Variants in ANKRD26 observed in about 807,000 individuals in gnomAD.
ANKRD26 encodes ankyrin repeat domain-containing protein 26.
Under a neutral mutation model 208.7 loss-of-function variants are expected in ANKRD26, and 141 were observed. The observed-to-expected ratio is 0.68, with a 90% CI of 0.59 to 0.78. The LOEUF (loss-of-function observed/expected upper bound fraction) is 0.78, where lower values mean the gene tolerates loss of function less well. ANKRD26 is among the 30% of genes least tolerant of loss of function. The pLI, the probability that ANKRD26 is intolerant of heterozygous loss-of-function variation, is 0.00. For synonymous variants in ANKRD26, 636 were observed against 660.4 expected, an observed-to-expected ratio of 0.96 and a Z score of 0.57; for missense variants, 1,889 against 1,938.7, an observed-to-expected ratio of 0.97 and a Z score of 0.48.
Position 27,043,553 on chromosome 10 carries a change from T to G in ANKRD26, c.2034A>C (p.Ile678=). ...AGTCATCAACATCATCCATAGACTG[T>G]ATTTGGTTTTTGACCTATGAAATAA... ...SNEKNKVKNQ[I]QSMDDVDDLT... The change falls in exon 20 of 34, where the codon ATA becomes ATC. Residue 678 remains isoleucine (I), a synonymous_variant. Transcript: ENST00000376087. 6.2e-7 allele frequency: 1 copy of G among 1,613,822 alleles called. No individual in the cohort carries two copies. Among genetic ancestry groups the G allele is most frequent in the Non-Finnish European group, 8.5e-7 (1 of 1,179,780 alleles).
At chr10:27,026,355 T>A (rs2053656772) in intron 27 of ANKRD26, among the ~76,000 whole-genome samples, 1 of 152,240 alleles carries the variant, frequency 6.6e-6, no homozygotes, top group Admixed American at 6.5e-5. Context: ...GAGATGTTGA[T>A]ATATTCCTGG....
intron 27 of ANKRD26, 51 bp from the exon 28 acceptor site, chr10:27,024,610 T>A (rs1389563428): frequency 9.2e-7 from 1 of 1,087,312 alleles, no homozygotes; most frequent in Non-Finnish European, 1.4e-6. Context: ...AAACACTTTT[T>A]TTCTTAAAAC....
chr10:26,964,393 C>T, the ANKRD26 span, among the ~76,000 whole-genome samples: 1 of 152,142 alleles, frequency 6.6e-6, no homozygotes, highest in Admixed American at 6.5e-5. Flanking sequence ...CCATAGCCAC[C>T]TACCCTTTTA....
At chr10:27,084,945 T>G (rs1188708902) in intron 5 of ANKRD26, among the ~76,000 whole-genome samples, 1 of 151,998 alleles carries the variant, frequency 6.6e-6, no homozygotes, top group Non-Finnish European at 1.5e-5. Flanking sequence ...CATTGGACAT[T>G]TTTGTACTTT....
At chr10:27,024,383 A>G in intron 28 of ANKRD26, 64 bp downstream of exon 28, 1 of 885,542 alleles carries the variant, frequency 1.1e-6, no homozygotes, top group Non-Finnish European at 1.8e-6. Flanking sequence ...AGTTTTGAAC[A>G]AAGTAAAATT....
In ANKRD26 at chr10:27,029,374, A is replaced by G; in HGVS notation, c.3808-18T>C. On this transcript the variant is annotated intron_variant, in intron 25 of 33. Transcript: ENST00000376087. ...TCTTGCAACTAAAACAAAGAATAAAAAAAACCCACTTTACTAATAATCTAG... is the reference window on the plus strand; with the variant it reads ...TCTTGCAACTAAAACAAAGAATAAAGAAAACCCACTTTACTAATAATCTAG... 2 of 1,606,326 alleles carry G rather than the reference A, an allele frequency of 1.2e-6. No homozygotes were observed. The highest frequency in any genetic ancestry group is 2.2e-5 in the East Asian group (1 of 44,808).
intron 25 of ANKRD26, 145 bp from the exon 26 acceptor site, chr10:27,029,501 T>C: frequency 1.3e-6 from 1 of 793,364 alleles, no homozygotes; most frequent in Non-Finnish European, 2.1e-6. Context: ...GTGCTGTGAC[T>C]GTAGAGCTGA....
At position 27,034,717 on chromosome 10, in the gene ANKRD26, T is replaced by C. The variant is rs77751281; in HGVS notation, c.3654+79A>G. 0.016 allele frequency: 13,950 copies of C among 887,450 alleles called. 1,092 individuals carry two copies. In the African/African-American group the frequency reaches 0.19, roughly 12 times the overall value. 55.0% of individuals were successfully genotyped at this position (887,450 alleles called of 1,614,324 possible). Reference sequence around the variant, plus strand: ...AAATAAGCTTATCTATTTATTTTTATAGTTAACTACATAACTATATATTAT... The same window carrying C: ...AAATAAGCTTATCTATTTATTTTTACAGTTAACTACATAACTATATATTAT... On this transcript the variant is annotated intron_variant, in intron 24 of 33. Coordinates refer to ENST00000376087, the MANE Select transcript of ANKRD26 (RefSeq NM_014915.3).
chr10:27,077,759 T>A, intron 7 of ANKRD26, 66 bp from the exon 8 acceptor site: 1 of 1,339,780 alleles, frequency 7.5e-7, no homozygotes, highest in Non-Finnish European at 1.0e-6. Context: ...AAAATAATCG[T>A]AATAGATAGT....
At chr10:26,983,865 C>T (rs74908167) in intron 3 of ANKRD26, among the ~76,000 whole-genome samples, 14,731 of 152,086 alleles carry the variant, frequency 0.097, 2,320 homozygotes, top group African/African-American at 0.33. Context: ...CAGACCATTT[C>T]TGTGATGTAA....
At chr10:27,083,131 C>T (rs754491680) in intron 5 of ANKRD26, among the ~76,000 whole-genome samples, 4 of 152,142 alleles carry the variant, frequency 2.6e-5, no homozygotes, top group Non-Finnish European at 4.4e-5. Flanking sequence ...TTTCTCTCTG[C>T]CCCCTAACTT....
At chr10:26,948,590 G>C in the ANKRD26 span, among the ~76,000 whole-genome samples, 5 of 152,096 alleles carry the variant, frequency 3.3e-5, no homozygotes, top group African/African-American at 1.2e-4. Context: ...CATATTCTTT[G>C]AAATATCTTT....
chr10:27,095,680 A>T (rs1041419193), intron 1 of ANKRD26, among the ~76,000 whole-genome samples: 1 of 152,196 alleles, frequency 6.6e-6, no homozygotes, highest in African/African-American at 2.4e-5. Context: ...AAAAATAAAT[A>T]AATAAGAGGA....
chr10:27,007,667 C>CA (rs1330625242), intron 32 of ANKRD26, among the ~76,000 whole-genome samples: 22 of 151,960 alleles, frequency 1.4e-4, no homozygotes, highest in Admixed American at 3.9e-4. Flanking sequence ...AAAAAACAAA[C>CA]AAAAAAACCA....
At position 27,048,948 on chromosome 10, in the gene ANKRD26, T is replaced by C. The variant is rs374100005; in HGVS notation, c.1667A>G (p.Asn556Ser). ...TATGTTTGCTGATACTTCCATTTCA[T>C]TATTTCTGTGTTTTTTCCTTTCTTC... The part of the protein sequence containing the change: ...VEEERKKHRN[N>S]EMEVSANIHD... The change falls in exon 17 of 34, where the codon AAT (asparagine) becomes AGT (serine). Residue 556 changes from asparagine to serine, a missense_variant. By Grantham distance (46) the Asn-to-Ser change is conservative (BLOSUM62 1). Coordinates refer to ENST00000376087, the MANE Select transcript of ANKRD26 (RefSeq NM_014915.3). The C allele has an allele frequency of 1.5e-5, 24 of 1,608,074 alleles. No individual in the cohort carries two copies. The highest frequency in any genetic ancestry group is 2.0e-5 in the Non-Finnish European group (24 of 1,176,680).
rs781189928 is a variant in ANKRD26 at position 27,093,462 on chromosome 10, T to C, written c.418A>G (p.Asn140Asp). The change falls in exon 3 of 34, where the codon AAT becomes GAT. Residue 140 changes from asparagine (N) to aspartate (D), a missense_variant. Physicochemically the swap from Asn to Asp is conservative, Grantham distance 23. Transcript: ENST00000376087. The part of the protein sequence containing the change: ...TILLEHGADP[N>D]LADVHGNTAL... The stretch of plus-strand genomic sequence containing the variant: ...GTGTTGCCATGGACATCCGCAAGAT[T>C]TGGATCAGCACCATGTTCTAGCAGA... The C allele has an allele frequency of 1.9e-6, 3 of 1,614,230 alleles. 1 individual carries two copies. In the South Asian group the frequency reaches 3.3e-5, roughly 18 times the overall value.
At chr10:27,040,267 G>A in intron 20 of ANKRD26, 89 bp from the exon 21 acceptor site, 1 of 947,766 alleles carries the variant, frequency 1.1e-6, no homozygotes, top group Non-Finnish European at 1.6e-6. Flanking sequence ...TTAAGACACT[G>A]ACCAATTACA....
chr10:27,038,644 C>G (rs2054123408), intron 21 of ANKRD26, among the ~76,000 whole-genome samples: 1 of 146,456 alleles, frequency 6.8e-6, no homozygotes, highest in Non-Finnish European at 1.5e-5. Flanking sequence ...GAGTGAGATT[C>G]CATCTCAAAA....
the ANKRD26 span, among the ~76,000 whole-genome samples, chr10:26,961,784 C>T: frequency 0.021 from 3,230 of 152,192 alleles, 124 homozygotes; most frequent in African/African-American, 0.073. Context: ...CAAGCAGCAC[C>T]TGGTAGGTGG....
Sources: gnomAD v4.1 joint callset for allele counts (sites outside exome capture counted in the v4.1 genomes callset) on GRCh38, gnomAD v4.1.1 for gene constraint, MANE v1.5 for transcripts, NCBI Gene and HGNC (gene_info 2026-07-23, HGNC 2026-07-21) for gene names.